NRG2: variants seen among roughly 807,000 people sequenced by gnomAD.
NRG2 encodes the protein neuregulin 2.
Under a neutral mutation model 73.9 loss-of-function variants are expected in NRG2, and 27 were observed. The ratio of observed to expected loss-of-function variants is 0.37; its 90% confidence interval spans 0.27 to 0.50. The LOEUF (loss-of-function observed/expected upper bound fraction) is 0.50. NRG2 is among the 20% of genes least tolerant of loss of function. NRG2 has a pLI of 0.96. For missense variants in NRG2, 1,126 were observed against 1,210.1 expected (o/e 0.93, Z 1.03); for synonymous variants, 532 against 541.0 (o/e 0.98, Z 0.23).
Position 139,904,462 on chromosome 5 carries a change from C to A in NRG2, c.701-16951G>T. The stretch of plus-strand genomic sequence containing the variant: ...CCGCTGCCGCGCTGCGCCCCCGCCG[C>A]CTGCAGCCTCAGTGCCCGAGCGCGG... On this transcript the variant is annotated intron_variant, in intron 1 of 9. Transcript: ENST00000361474. This position sits in a 1 kb window ranked among gnomAD's most constrained non-coding sequence, Gnocchi z 6.0. 5 of 992,020 alleles carry A rather than the reference C, an allele frequency of 5.0e-6. No individual in the cohort carries two copies. The highest frequency in any genetic ancestry group is 7.5e-6 in the Non-Finnish European group (5 of 669,134). 61.5% of individuals were successfully genotyped at this position (992,020 alleles called of 1,614,324 possible). A position where few individuals can be genotyped will look rare whatever the true frequency, so the allele number is the denominator to read the frequency against.
intron 1 of NRG2, among the ~76,000 whole-genome samples, chr5:139,951,752 C>G (rs1219755409): frequency 6.6e-6 from 1 of 152,190 alleles, no homozygotes; most frequent in African/African-American, 2.4e-5. Flanking sequence ...TGCAGAAAAC[C>G]CAACTGGTTA....
chr5:139,940,098 T>C (rs944055538), intron 1 of NRG2, among the ~76,000 whole-genome samples: 4 of 152,232 alleles, frequency 2.6e-5, no homozygotes, highest in Admixed American at 2.6e-4. Context: ...CCTGCCATGC[T>C]AGGTATTCAT....
chr5:139,921,673 A>G (rs1339512550), intron 1 of NRG2, among the ~76,000 whole-genome samples: 1 of 152,244 alleles, frequency 6.6e-6, no homozygotes, highest in Non-Finnish European at 1.5e-5. Context: ...GACATAGGAG[A>G]AAATCTAGAT....
At chr5:139,950,151 T>G (rs118033092) in intron 1 of NRG2, among the ~76,000 whole-genome samples, 1 of 152,282 alleles carries the variant, frequency 6.6e-6, no homozygotes, top group East Asian at 1.9e-4. Flanking sequence ...CAAGCTCTGT[T>G]TCAACATTTC....
intron 1 of NRG2, among the ~76,000 whole-genome samples, chr5:139,977,232 G>A (rs183514110): frequency 4.6e-5 from 7 of 152,238 alleles, no homozygotes; most frequent in Admixed American, 1.3e-4. Context: ...CAATTTTTCT[G>A]TAAACCTAAA....
intron 1 of NRG2, among the ~76,000 whole-genome samples, chr5:139,945,196 C>T (rs1021150961): frequency 1.2e-4 from 19 of 152,104 alleles, no homozygotes; most frequent in African/African-American, 3.9e-4. Context: ...TTCTTCCATT[C>T]TATAGGTTTT....
intron 5 of NRG2, 59 bp from the exon 6 acceptor site, chr5:139,855,837 G>T: frequency 7.4e-7 from 1 of 1,357,972 alleles, no homozygotes; most frequent in Non-Finnish European, 1.1e-6. Flanking sequence ...TAGGGATAGT[G>T]GTGCAGAGAC....
rs899846529 is a variant in NRG2, at chr5:139,869,931, C to T, written c.1112+1790G>A. On this transcript the variant is annotated intron_variant, in intron 4 of 9. Coordinates refer to ENST00000361474, the MANE Select transcript of NRG2 (RefSeq NM_004883.3). The surrounding 1 kb of genome is among the most constrained non-coding windows in gnomAD (Gnocchi z 4.5). ...CCATGGCCCTCCTCAGCCCTGGCACCTGTCCTGAGGGGCCAGAACCTTCCC... is the reference window on the plus strand; with the variant it reads ...CCATGGCCCTCCTCAGCCCTGGCACTTGTCCTGAGGGGCCAGAACCTTCCC... 2.0e-5 allele frequency among the ~76,000 whole-genome samples: 3 copies of T among 152,224 alleles called. No homozygotes were observed. The highest frequency in any genetic ancestry group is 7.2e-5 in the African/African-American group (3 of 41,458).
chr5:139,909,678 A>C (rs1765462010), intron 1 of NRG2, among the ~76,000 whole-genome samples: 2 of 152,228 alleles, frequency 1.3e-5, no homozygotes, highest in South Asian at 4.1e-4. Flanking sequence ...AGGCTGCCAG[A>C]GGAGGAAATA....
intron 3 of NRG2, among the ~76,000 whole-genome samples, chr5:139,879,170 T>G (rs1356557829): frequency 6.6e-6 from 1 of 152,196 alleles, no homozygotes; most frequent in Non-Finnish European, 1.5e-5. Context: ...CAATAAATAC[T>G]GGCTATGATT....
chr5:139,989,304 T>C (rs538067120), intron 1 of NRG2, among the ~76,000 whole-genome samples: 37 of 152,130 alleles, frequency 2.4e-4, no homozygotes, highest in African/African-American at 8.7e-4. Context: ...TAACTGGTCA[T>C]CCTGCTCCAG....
Position 140,008,853 on chromosome 5 carries a change from G to A in NRG2, c.700+33517C>T, listed in dbSNP as rs1272879602. Reference sequence around the variant, plus strand: ...GGCATGTCTCTGCTACTTACTGTGTGGTCTTGAGCAAGTTACTTAACCTCT... The same window carrying A: ...GGCATGTCTCTGCTACTTACTGTGTAGTCTTGAGCAAGTTACTTAACCTCT... On this transcript the variant is annotated intron_variant, in intron 1 of 9. Transcript: ENST00000361474. The surrounding 1 kb of genome is among the most constrained non-coding windows in gnomAD (Gnocchi z 4.2). Among the ~76,000 whole-genome samples, 1 of 152,120 alleles carries A rather than the reference G, an allele frequency of 6.6e-6. No homozygotes were observed. Among genetic ancestry groups the A allele is most frequent in the African/African-American group, 2.4e-5 (1 of 41,408 alleles).
intron 1 of NRG2, among the ~76,000 whole-genome samples, chr5:140,007,683 C>T (rs1171668787): frequency 6.6e-6 from 1 of 152,182 alleles, no homozygotes; most frequent in African/African-American, 2.4e-5. Flanking sequence ...TCCACCCAAC[C>T]CCTGAGAAAG....
At chr5:139,896,043 T>G (rs558452280) in intron 1 of NRG2, among the ~76,000 whole-genome samples, 40 of 152,288 alleles carry the variant, frequency 2.6e-4, no homozygotes, top group African/African-American at 9.1e-4. Context: ...CTGGAGAAAG[T>G]TGTTTCTGAA....
rs1034164763 is a variant in NRG2 at position 140,014,484 on chromosome 5, G to A, written c.700+27886C>T. On this transcript the variant is annotated intron_variant, in intron 1 of 9. Coordinates refer to ENST00000361474, the MANE Select transcript of NRG2 (RefSeq NM_004883.3). ...ACTCCTGAGCTCAAGCAATTCGCCC[G>A]TCTCAGCCTCCCAAAGTGCCGGGAT... Among the ~76,000 whole-genome samples, 19 of 152,180 alleles carry A rather than the reference G, an allele frequency of 1.2e-4. 1 individual carries two copies. The highest frequency in any genetic ancestry group is 6.5e-4 in the Admixed American group (10 of 15,288).
rs151010496 is a variant in NRG2, at chr5:139,987,109, C to T, written c.700+55261G>A. Among the ~76,000 whole-genome samples the T allele has an allele frequency of 4.8e-4, 73 of 152,058 alleles. No homozygotes were observed. The East Asian group carries it at 0.014, about 29-fold the overall frequency. On this transcript the variant is annotated intron_variant, in intron 1 of 9. Coordinates refer to ENST00000361474, the MANE Select transcript of NRG2 (RefSeq NM_004883.3). ...ATTATGGGCTAGGCACGGTGGCTCA[C>T]GCCCGTAATCCTAGCACTTTGGGAG...
intron 1 of NRG2, among the ~76,000 whole-genome samples, chr5:139,897,021 G>A (rs753815457): frequency 6.6e-6 from 1 of 152,202 alleles, no homozygotes; most frequent in Non-Finnish European, 1.5e-5. Context: ...TTCAGGAATC[G>A]TATATTCCAG....
At chr5:139,955,909 C>A (rs1754589462) in intron 1 of NRG2, among the ~76,000 whole-genome samples, 1 of 152,194 alleles carries the variant, frequency 6.6e-6, no homozygotes, top group Non-Finnish European at 1.5e-5. Flanking sequence ...GAAACGTCCT[C>A]ACCCTCAGCT....
At chr5:139,872,971 C>G (rs1482773082) in intron 3 of NRG2, among the ~76,000 whole-genome samples, 5 of 152,194 alleles carry the variant, frequency 3.3e-5, no homozygotes, top group African/African-American at 4.8e-5. Context: ...CCAAGCTACC[C>G]CAGCTGGCCC....
Sources: allele counts gnomAD v4.1 joint callset (sites outside exome capture counted in the v4.1 genomes callset), GRCh38; gene constraint gnomAD v4.1.1; non-coding constraint Gnocchi (gnomAD v3.1); transcripts MANE v1.5; gene names NCBI Gene and HGNC (gene_info 2026-07-23, HGNC 2026-07-21).